Variants in PDE4D observed in about 807,000 individuals in gnomAD.
PDE4D encodes phosphodiesterase 4D, also known as 3',5'-cyclic-AMP phosphodiesterase 4D.
In PDE4D, 24 loss-of-function variants were observed where a neutral mutation model predicts 87.4. The observed-to-expected ratio is 0.27, with a 90% confidence interval of 0.20 to 0.39. The LOEUF is 0.39. PDE4D is among the 10% of genes least tolerant of loss of function. The pLI is 1.00. For synonymous variants in PDE4D, 384 were observed against 383.2 expected, an observed-to-expected ratio of 1.00 and a Z score of -0.02; for missense variants, 714 against 1,041.0, an observed-to-expected ratio of 0.69 and a Z score of 4.32.
intron 2 of PDE4D, among the ~76,000 whole-genome samples, chr5:60,037,216 G>A (rs924870933): frequency 5.3e-5 from 8 of 152,040 alleles, no homozygotes; most frequent in Non-Finnish European, 1.2e-4. Context: ...GGGGCATTAG[G>A]GAATATTACA....
chr5:59,666,010 G>T (rs1020225887), intron 1 of PDE4D, among the ~76,000 whole-genome samples: 2 of 152,162 alleles, frequency 1.3e-5, no homozygotes, highest in Non-Finnish European at 2.9e-5. Context: ...GGCCAGGCTG[G>T]AGTGCAGTGG....
At chr5:59,158,683 A>G (rs1780591836) in intron 5 of PDE4D, among the ~76,000 whole-genome samples, 1 of 152,206 alleles carries the variant, frequency 6.6e-6, no homozygotes, top group East Asian at 1.9e-4. Flanking sequence ...AAAAAGTTAG[A>G]TGATTAGGTA....
chr5:59,545,123 TTTA>T (rs1219339332), intron 1 of PDE4D, among the ~76,000 whole-genome samples: 1 of 152,184 alleles, frequency 6.6e-6, no homozygotes, highest in Non-Finnish European at 1.5e-5. Flanking sequence ...CCCCTGTATT[TTTA>T]TTATTTTGTG....
intron 1 of PDE4D, among the ~76,000 whole-genome samples, chr5:60,273,053 A>G (rs1221894811): frequency 2.6e-5 from 4 of 152,190 alleles, no homozygotes; most frequent in Non-Finnish European, 5.9e-5. Context: ...ACTATAATAG[A>G]GACATCAGGC....
At chr5:59,153,794 A>G (rs1327097830) in intron 5 of PDE4D, among the ~76,000 whole-genome samples, 1 of 151,680 alleles carries the variant, frequency 6.6e-6, no homozygotes, top group Non-Finnish European at 1.5e-5. Flanking sequence ...ATAAAGAGGC[A>G]TAGACCATAA....
intron 1 of PDE4D, among the ~76,000 whole-genome samples, chr5:60,463,656 T>A (rs1395790641): frequency 6.6e-6 from 1 of 152,236 alleles, no homozygotes; most frequent in Non-Finnish European, 1.5e-5. Flanking sequence ...CTGAATTCCA[T>A]CTGACCAGCA....
At chr5:60,168,520 T>C (rs1783134661) in intron 2 of PDE4D, among the ~76,000 whole-genome samples, 1 of 152,208 alleles carries the variant, frequency 6.6e-6, no homozygotes, top group Admixed American at 6.5e-5. Context: ...GTAGGCCGCA[T>C]AGCCACATAT....
intron 1 of PDE4D, among the ~76,000 whole-genome samples, chr5:60,224,210 T>G (rs1190933565): frequency 6.6e-6 from 1 of 152,110 alleles, no homozygotes; most frequent in Non-Finnish European, 1.5e-5. Flanking sequence ...TGTTCCCAAG[T>G]GTTCCCTTGG....
intron 5 of PDE4D, among the ~76,000 whole-genome samples, chr5:59,123,021 TG>T (rs756781338): frequency 1.3e-5 from 2 of 151,682 alleles, no homozygotes; most frequent in Admixed American, 6.6e-5. Flanking sequence ...CTGCATTCTC[TG>T]TTTTTTTTGT....
At chr5:59,551,355 A>G (rs1818086366) in intron 1 of PDE4D, among the ~76,000 whole-genome samples, 2 of 150,644 alleles carry the variant, frequency 1.3e-5, no homozygotes, top group South Asian at 2.1e-4. Context: ...ATATTTTTAT[A>G]TAAGGTTTAA....
chr5:59,848,544 G>T (rs577136503), intron 1 of PDE4D, among the ~76,000 whole-genome samples: 10 of 151,622 alleles, frequency 6.6e-5, no homozygotes, highest in African/African-American at 2.4e-4. Flanking sequence ...TTTCTAATGC[G>T]ATTAAATGCA....
intron 2 of PDE4D, among the ~76,000 whole-genome samples, chr5:59,214,935 T>G (rs73760109): frequency 1.3e-3 from 198 of 152,286 alleles, no homozygotes; most frequent in African/African-American, 4.6e-3. Flanking sequence ...CAGCCTGTTA[T>G]GAGTTTTTGA....
intron 1 of PDE4D, among the ~76,000 whole-genome samples, chr5:59,863,884 T>C (rs929353304): frequency 2.6e-5 from 4 of 152,164 alleles, no homozygotes; most frequent in Non-Finnish European, 4.4e-5. Context: ...CTCCATGCCA[T>C]TGATGAAATC....
chr5:59,436,549 A>C (rs1306451820), intron 1 of PDE4D, among the ~76,000 whole-genome samples: 1 of 152,152 alleles, frequency 6.6e-6, no homozygotes, highest in African/African-American at 2.4e-5. Flanking sequence ...GATTGTAAAA[A>C]CTGTTGAGAC....
intron 11 of PDE4D, among the ~76,000 whole-genome samples, chr5:58,986,809 A>T (rs1426884470): frequency 6.6e-6 from 1 of 152,178 alleles, no homozygotes; most frequent in Non-Finnish European, 1.5e-5. Flanking sequence ...TACCCTTAAA[A>T]AATGTATCAG....
intron 2 of PDE4D, among the ~76,000 whole-genome samples, chr5:60,163,184 C>T (rs367750558): frequency 6.6e-6 from 1 of 152,130 alleles, no homozygotes; most frequent in African/African-American, 2.4e-5. Flanking sequence ...TCATAAACTG[C>T]GTTGGTCAGT....
chr5:60,164,908 A>T (rs1782757828), intron 2 of PDE4D, among the ~76,000 whole-genome samples: 1 of 152,180 alleles, frequency 6.6e-6, no homozygotes, highest in Admixed American at 6.5e-5. Context: ...AGCATTTAAT[A>T]CCCGCTTTCC....
At chr5:59,640,888 T>C (rs1741468465) in intron 1 of PDE4D, among the ~76,000 whole-genome samples, 1 of 152,242 alleles carries the variant, frequency 6.6e-6, no homozygotes, top group Non-Finnish European at 1.5e-5. Context: ...ATTATCATTC[T>C]GTAACTCCAT....
At chr5:59,544,962 C>T (rs1817008059) in intron 1 of PDE4D, among the ~76,000 whole-genome samples, 2 of 152,148 alleles carry the variant, frequency 1.3e-5, no homozygotes, top group Admixed American at 1.3e-4. Flanking sequence ...TGGATGGCAA[C>T]AGAAAATTTT....
Sources: gnomAD v4.1 joint callset for allele counts (sites outside exome capture counted in the v4.1 genomes callset) on GRCh38, gnomAD v4.1.1 for gene constraint, MANE v1.5 for transcripts, NCBI Gene and HGNC (gene_info 2026-07-23, HGNC 2026-07-21) for gene names.